GRIN2A: variants seen among roughly 807,000 people sequenced by gnomAD.
The protein encoded by GRIN2A is glutamate receptor ionotropic, NMDA 2A.
In GRIN2A, 22 loss-of-function variants were observed where a neutral mutation model predicts 113.4. That is an observed-to-expected ratio of 0.19 (90% CI 0.14 to 0.28). The LOEUF is 0.28. GRIN2A is among the 10% of genes least tolerant of loss of function. The pLI is 1.00. For synonymous variants in GRIN2A, 827 were observed against 738.4 expected (o/e 1.12, Z -1.94); for missense variants, 1,502 against 1,887.0 (o/e 0.80, Z 3.78).
chr16:9,873,981 G>A (rs918949045), intron 4 of GRIN2A, among the ~76,000 whole-genome samples: 5 of 152,326 alleles, frequency 3.3e-5, no homozygotes, highest in African/African-American at 9.6e-5. Context: ...TAAGTGAGAG[G>A]CCATTGGTTT....
rs1567266435 is a variant in GRIN2A at position 10,055,085 on chromosome 16, AGAAAAAAG to A, written c.415-116542_415-116535del. Among the ~76,000 whole-genome samples the A allele has an allele frequency of 9.5e-4, 65 of 68,648 alleles. 13 individuals carry two copies. The East Asian group carries it at 0.012, about 13-fold the overall frequency. The allele number at this position is 68,648 out of a possible 152,430, so 45.0% of individuals were successfully genotyped here. ...AAAAAAAAAAAAAAAAAAAAAAAAA[AGAAAAAAG>A]AAAGAAAGAAAGAAAAAAGAAAAAA... On this transcript the variant is annotated intron_variant, in intron 2 of 12. Coordinates refer to ENST00000330684, the MANE Select transcript of GRIN2A (RefSeq NM_001134407.3).
At chr16:10,073,751 G>GA (rs58500889) in intron 2 of GRIN2A, among the ~76,000 whole-genome samples, 1,774 of 140,926 alleles carry the variant, frequency 0.013, 25 homozygotes, top group African/African-American at 0.037. Flanking sequence ...TAAAAATCCA[G>GA]AAAAAAAAAA....
intron 2 of GRIN2A, among the ~76,000 whole-genome samples, chr16:10,057,291 A>G (rs954925876): frequency 6.6e-6 from 1 of 152,140 alleles, no homozygotes; most frequent in African/African-American, 2.4e-5. Flanking sequence ...ATCTAAGTAA[A>G]TACAATGGGC....
At chr16:10,154,023 T>A (rs2049637749) in intron 2 of GRIN2A, among the ~76,000 whole-genome samples, 1 of 152,156 alleles carries the variant, frequency 6.6e-6, no homozygotes, top group Non-Finnish European at 1.5e-5. Context: ...GTGCATTCAT[T>A]AATGCTGTCC....
At chr16:9,766,985 T>C (rs542875839) in intron 12 of GRIN2A, among the ~76,000 whole-genome samples, 1 of 152,332 alleles carries the variant, frequency 6.6e-6, no homozygotes, top group South Asian at 2.1e-4. Flanking sequence ...AGCAGTGTTT[T>C]AGATAGATAG....
intron 2 of GRIN2A, among the ~76,000 whole-genome samples, chr16:9,946,555 A>T (rs1451157171): frequency 6.6e-6 from 1 of 152,012 alleles, no homozygotes; most frequent in Non-Finnish European, 1.5e-5. Flanking sequence ...TATTCTGACC[A>T]CTGAGCATCT....
At chr16:10,159,696 T>C (rs1234897986) in intron 2 of GRIN2A, among the ~76,000 whole-genome samples, 3 of 152,122 alleles carry the variant, frequency 2.0e-5, no homozygotes, top group Non-Finnish European at 4.4e-5. Flanking sequence ...ACTATAAAGG[T>C]ATTATTTTAG....
intron 2 of GRIN2A, among the ~76,000 whole-genome samples, chr16:10,151,193 C>T (rs942328977): frequency 6.6e-6 from 1 of 152,206 alleles, no homozygotes; most frequent in Non-Finnish European, 1.5e-5. Context: ...TGAGATGCAA[C>T]ATGCAAGCTG....
chr16:9,925,480 T>C (rs2044445338), intron 3 of GRIN2A, among the ~76,000 whole-genome samples: 2 of 152,182 alleles, frequency 1.3e-5, no homozygotes, highest in Non-Finnish European at 2.9e-5. Flanking sequence ...GGATCACTTT[T>C]CTCAGGTACT....
chr16:10,052,871 A>C (rs1007620489), intron 2 of GRIN2A, among the ~76,000 whole-genome samples: 3 of 152,038 alleles, frequency 2.0e-5, no homozygotes, highest in Non-Finnish European at 2.9e-5. Flanking sequence ...AACATGGTGA[A>C]ACCTCATCTC....
Position 10,180,341 on chromosome 16 carries a change from C to T in GRIN2A, c.71G>A (p.Ser24Asn), listed in dbSNP as rs1337036703. 1 of 1,608,716 alleles carries T rather than the reference C, an allele frequency of 6.2e-7. No individual in the cohort carries two copies. Among genetic ancestry groups the T allele is most frequent in the African/African-American group, 1.3e-5 (1 of 74,940 alleles). Residue 24 changes from serine to asparagine, a missense_variant, in exon 2 of 13, where the codon AGC becomes AAC. Physicochemically the swap from Ser to Asn is conservative, Grantham distance 46. This residue lies in a region of GRIN2A where 149 missense variants were observed against 179.1 expected (regional missense o/e 0.83). Coordinates refer to ENST00000330684, the MANE Select transcript of GRIN2A (RefSeq NM_001134407.3). The surrounding 1 kb of genome is among the most constrained non-coding windows in gnomAD (Gnocchi z 7.0). The stretch of plus-strand genomic sequence containing the variant: ...GGGGGGACCCTTCTCCGCCGCCGCG[C>T]TCGGCGCCGGACCGCGCCAGACCAG... ...ALLVWRGPAPSAAAEKGPPAL... is the reference protein window; with the variant it reads ...ALLVWRGPAPNAAAEKGPPAL...
chr16:10,180,396 A>G lies in GRIN2A; in HGVS notation c.16T>C (p.Tyr6His), dbSNP rs979274695. 2.5e-6 allele frequency: 4 copies of G among 1,606,754 alleles called. No homozygotes were observed. The highest frequency in any genetic ancestry group is 3.4e-6 in the Non-Finnish European group (4 of 1,179,826). ...GCCGGCAGCACCAGCAGGGTCCAAT[A>G]GCCCACTCTGCCCATAGTCGCCACT... MGRVG[Y>H]WTLLVLPALL... Residue 6 changes from tyrosine (Y) to histidine (H), a missense_variant, in exon 2 of 13, where the codon TAT becomes CAT. This residue lies in a region of GRIN2A where 149 missense variants were observed against 179.1 expected (regional missense o/e 0.83). Transcript: ENST00000330684. This position sits in a 1 kb window ranked among gnomAD's most constrained non-coding sequence, Gnocchi z 7.0.
Position 9,983,442 on chromosome 16 carries a change from CT to C in GRIN2A, c.415-44892del, listed in dbSNP as rs149545344. On this transcript the variant is annotated intron_variant, in intron 2 of 12. Coordinates refer to ENST00000330684, the MANE Select transcript of GRIN2A (RefSeq NM_001134407.3). ...GAATGACAAGATGTTGTTATTTATT[CT>C]TTTTTTTTTTTTTTGAGATGGAGTC... Among the ~76,000 whole-genome samples, 607 of 141,494 alleles carry C rather than the reference CT, an allele frequency of 4.3e-3. 2 individuals carry two copies. The highest frequency in any genetic ancestry group is 7.2e-3 in the Middle Eastern group (2 of 278). 92.8% of individuals were successfully genotyped at this position (141,494 alleles called of 152,430 possible). A position where few individuals can be genotyped will look rare whatever the true frequency, so the allele number is the denominator to read the frequency against.
At chr16:10,048,844 T>C (rs929268588) in intron 2 of GRIN2A, among the ~76,000 whole-genome samples, 4 of 152,288 alleles carry the variant, frequency 2.6e-5, no homozygotes, top group South Asian at 2.1e-4. Flanking sequence ...AGGGTTTCTG[T>C]TCCTAATGCT....
intron 2 of GRIN2A, among the ~76,000 whole-genome samples, chr16:10,159,450 A>G (rs1434585777): frequency 1.3e-5 from 2 of 152,184 alleles, no homozygotes; most frequent in East Asian, 3.9e-4. Context: ...CAAAGCTCCA[A>G]CTACTAAGGA....
chr16:10,046,749 T>C (rs1175172872), intron 2 of GRIN2A, among the ~76,000 whole-genome samples: 3 of 152,166 alleles, frequency 2.0e-5, no homozygotes, highest in African/African-American at 7.2e-5. Context: ...TGAGATAGTG[T>C]GTATGAAAAT....
chr16:10,083,848 T>C (rs571092847), intron 2 of GRIN2A, among the ~76,000 whole-genome samples: 34 of 152,308 alleles, frequency 2.2e-4, no homozygotes, highest in African/African-American at 7.7e-4. Context: ...ATGCCTGTAG[T>C]CCCAGAACTT....
intron 2 of GRIN2A, among the ~76,000 whole-genome samples, chr16:10,084,419 TC>T (rs1402349240): frequency 1.3e-5 from 2 of 152,162 alleles, no homozygotes; most frequent in Admixed American, 1.3e-4. Flanking sequence ...ATAAAAGACT[TC>T]CTGGAACCTG....
At chr16:9,970,555 G>C (rs2045650173) in intron 2 of GRIN2A, among the ~76,000 whole-genome samples, 1 of 152,178 alleles carries the variant, frequency 6.6e-6, no homozygotes, top group Non-Finnish European at 1.5e-5. Context: ...TTGGCTGCTG[G>C]AGGGCCCTAG....
Sources: allele counts gnomAD v4.1 joint callset (sites outside exome capture counted in the v4.1 genomes callset), GRCh38; gene constraint gnomAD v4.1.1; regional missense constraint gnomAD v4.1.1; non-coding constraint Gnocchi (gnomAD v3.1); transcripts MANE v1.5; gene names NCBI Gene and HGNC (gene_info 2026-07-23, HGNC 2026-07-21).